Variants in NBPF20 observed in about 807,000 individuals in gnomAD.
NBPF20 encodes NBPF family member NBPF20.
In NBPF20, 90 loss-of-function variants were observed where a neutral mutation model predicts 68.1. The ratio of observed to expected loss-of-function variants is 1.32; its 90% CI spans 1.11 to 1.58. NBPF20 has a LOEUF of 1.58. Ranked by LOEUF, NBPF20 falls within the 40% of genes most tolerant of loss-of-function variation. The pLI is 0.00. For synonymous variants in NBPF20, 290 were observed against 228.1 expected, an observed-to-expected ratio of 1.27 and a Z score of -2.45; for missense variants, 816 against 601.2, an observed-to-expected ratio of 1.36 and a Z score of -3.74.
intron 7 of NBPF20, among the ~76,000 whole-genome samples, chr1:145,397,829 T>A (rs1164674425): frequency 6.6e-6 from 1 of 152,154 alleles, no homozygotes; most frequent in Non-Finnish European, 1.5e-5. Flanking sequence ...TGTGCTGTAC[T>A]CAGGAAACCC....
exon 138 of NBPF20, chr1:145,291,351 G>C (rs1307491237): frequency 3.6e-6 from 5 of 1,384,454 alleles, no homozygotes; most frequent in African/African-American, 1.5e-5. Context: ...TGGGTCCATT[G>C]TCTTCAGACT....
intron 83 of NBPF20, among the ~76,000 whole-genome samples, chr1:145,334,905 G>C (rs1171004413): frequency 7.5e-6 from 1 of 134,106 alleles, no homozygotes; most frequent in Admixed American, 7.5e-5. Flanking sequence ...ACTGATGAAG[G>C]GGTCAAAGGA....
chr1:145,400,909 G>C (rs1345075877), intron 5 of NBPF20, 150 bp downstream of exon 10: 3 of 1,025,784 alleles, frequency 2.9e-6, no homozygotes, highest in Non-Finnish European at 4.6e-6. Context: ...GACAGCTGCC[G>C]CACCCTGTGT....
intron 9 of NBPF20, among the ~76,000 whole-genome samples, chr1:145,393,490 C>G (rs1553662730): frequency 1.4e-5 from 2 of 143,128 alleles, no homozygotes; most frequent in East Asian, 2.1e-4. Context: ...CACACACACA[C>G]AGAGCGAGCT....
intron 109 of NBPF20, among the ~76,000 whole-genome samples, chr1:145,314,267 C>CAG (rs1250510283): frequency 2.1e-3 from 267 of 126,012 alleles, no homozygotes; most frequent in Middle Eastern, 7.9e-3. Context: ...CACACACACA[C>CAG]AGAGAGAGAA....
chr1:145,291,334 C>T, exon 138 of NBPF20: 1 of 938,142 alleles, frequency 1.1e-6, no homozygotes, highest in Admixed American at 2.6e-5. Flanking sequence ...ACGTGTCACA[C>T]CTAACGTGGG....
rs1661254732 is a variant in NBPF20 at position 145,294,839 on chromosome 1, T to G, written c.16306A>C (p.Ser5436Arg). ...TCCTCCAATGAGTAAACAGCACTGC[T>G]GTAGGGCTGGCCTAAGTCAGGCAGT... The change falls in exon 134 of 138, where the codon AGC becomes CGC. Residue 5436 changes from serine to arginine, a missense_variant. Coordinates refer to ENST00000369373, the Ensembl canonical transcript of NBPF20. The G allele has an allele frequency of 1.7e-4, 56 of 332,096 alleles. No individual in the cohort carries two copies. The East Asian group carries it at 4.2e-3, about 25-fold the overall frequency. 20.6% of individuals were successfully genotyped at this position (332,096 alleles called of 1,614,324 possible).
the NBPF20 span, among the ~76,000 whole-genome samples, chr1:145,421,348 G>A: frequency 6.6e-6 from 1 of 151,948 alleles, no homozygotes; most frequent in Non-Finnish European, 1.5e-5. Context: ...AGTAACAAAA[G>A]CCCCAAAATC....
At chr1:145,400,580 G>T (rs1382461529) in exon 6 of NBPF20, 102 of 1,611,858 alleles carry the variant, frequency 6.3e-5, no homozygotes, top group Non-Finnish European at 8.5e-5. Context: ...CTTTTCTTCA[G>T]CCTTCTGCAT....
chr1:145,291,166 T>A, exon 138 of NBPF20: 2 of 404,062 alleles, frequency 4.9e-6, no homozygotes, highest in East Asian at 1.0e-4. Flanking sequence ...TTGGATGAGC[T>A]AAACACAAAG....
At chr1:145,393,822 C>T (rs1467461718) in intron 9 of NBPF20, 62 bp downstream of exon 14, 12 of 1,264,638 alleles carry the variant, frequency 9.5e-6, no homozygotes, top group South Asian at 2.4e-5. Flanking sequence ...TACTGTTTTC[C>T]CTGGACTTGG....
chr1:145,393,826 G>A, intron 9 of NBPF20, 58 bp downstream of exon 14: 1 of 1,265,940 alleles, frequency 7.9e-7, no homozygotes, highest in Non-Finnish European at 1.1e-6. Flanking sequence ...GTTTTCCCTG[G>A]ACTTGGCATC....
chr1:145,291,277 A>C (rs1392907763), exon 138 of NBPF20: 6 of 632,094 alleles, frequency 9.5e-6, no homozygotes, highest in Admixed American at 3.0e-5. Context: ...GGTTCAAATT[A>C]AAATGTCTGA....
At chr1:145,394,932 T>C in intron 8 of NBPF20, 46 bp downstream of exon 13, 1 of 1,611,432 alleles carries the variant, frequency 6.2e-7, no homozygotes, top group Non-Finnish European at 8.5e-7. Flanking sequence ...GGGGTCTACC[T>C]GGGCCATGAA....
chr1:145,422,744 T>C, the NBPF20 span, among the ~76,000 whole-genome samples: 1 of 152,120 alleles, frequency 6.6e-6, no homozygotes, highest in Non-Finnish European at 1.5e-5. Context: ...ATCCCCACAC[T>C]CTGGGAGGCT....
chr1:145,398,043 A>T (rs1178101546), intron 7 of NBPF20, among the ~76,000 whole-genome samples: 38 of 152,356 alleles, frequency 2.5e-4, no homozygotes, highest in South Asian at 6.2e-4. Flanking sequence ...TATCCTAAAC[A>T]TATATGCACC....
chr1:145,421,408 T>A, the NBPF20 span, among the ~76,000 whole-genome samples: 1 of 152,242 alleles, frequency 6.6e-6, no homozygotes, highest in Admixed American at 6.5e-5. Flanking sequence ...TTTCCTTTTA[T>A]GTCAGGTTGA....
chr1:145,291,336 T>G (rs1661062856), exon 138 of NBPF20: 3 of 977,662 alleles, frequency 3.1e-6, no homozygotes, highest in Non-Finnish European at 4.6e-6. Context: ...GTGTCACACC[T>G]AACGTGGGTC....
intron 137 of NBPF20, among the ~76,000 whole-genome samples, chr1:145,292,120 A>T (rs587643175): frequency 6.7e-6 from 1 of 149,834 alleles, no homozygotes; most frequent in Non-Finnish European, 1.5e-5. Context: ...ATAGTTTTCC[A>T]TAAAATATGC....
Sources: allele counts gnomAD v4.1 joint callset (sites outside exome capture counted in the v4.1 genomes callset), GRCh38; gene constraint gnomAD v4.1.1; transcripts MANE v1.5; gene names NCBI Gene and HGNC (gene_info 2026-07-23, HGNC 2026-07-21).